MACROD2: variants seen among roughly 807,000 people sequenced by gnomAD.
MACROD2 encodes the protein mono-ADP ribosylhydrolase 2, also known as ADP-ribose glycohydrolase MACROD2.
Under a neutral mutation model 70.4 loss-of-function variants are expected in MACROD2, and 36 were observed. The observed-to-expected ratio is 0.51, with a 90% CI of 0.39 to 0.68. The LOEUF (loss-of-function observed/expected upper bound fraction) is 0.68, where lower values mean the gene tolerates loss of function less well. Ranked by LOEUF, MACROD2 falls within the 30% of genes least tolerant of loss-of-function variation. The pLI, the probability that MACROD2 is intolerant of heterozygous loss-of-function variation, is 0.00. For synonymous variants in MACROD2, 172 were observed against 178.8 expected, an observed-to-expected ratio of 0.96 and a Z score of 0.30; for missense variants, 496 against 538.4, an observed-to-expected ratio of 0.92 and a Z score of 0.78.
chr20:14,414,368 C>A (rs553863390), intron 3 of MACROD2, among the ~76,000 whole-genome samples: 2 of 152,078 alleles, frequency 1.3e-5, no homozygotes, highest in Non-Finnish European at 2.9e-5. Context: ...ATCCAGTCAC[C>A]CTGAAAATCC....
intron 3 of MACROD2, among the ~76,000 whole-genome samples, chr20:14,267,772 T>A (rs1011178729): frequency 6.6e-6 from 1 of 152,106 alleles, no homozygotes; most frequent in Non-Finnish European, 1.5e-5. Flanking sequence ...TCTAATCTGT[T>A]GATTCTAACC....
rs550444794 is a variant in MACROD2 at position 14,792,169 on chromosome 20, C to T, written c.418+107210C>T. 8.6e-5 allele frequency among the ~76,000 whole-genome samples: 13 copies of T among 151,980 alleles called. No homozygotes were observed. The East Asian group carries it at 1.7e-3, about 20-fold the overall frequency. Reference sequence around the variant, plus strand: ...CGAACTGTTTGTTATCATGGAATGGCGGCCACTGTTTCTCTTTTTATGCAA... The same window carrying T: ...CGAACTGTTTGTTATCATGGAATGGTGGCCACTGTTTCTCTTTTTATGCAA... On this transcript the variant is annotated intron_variant, in intron 5 of 17. Coordinates refer to ENST00000684519, the MANE Select transcript of MACROD2 (RefSeq NM_001351661.2).
At chr20:15,776,076 AT>A (rs1283457783) in intron 8 of MACROD2, among the ~76,000 whole-genome samples, 1 of 152,194 alleles carries the variant, frequency 6.6e-6, no homozygotes, top group Non-Finnish European at 1.5e-5. Context: ...AAAAAACAAA[AT>A]GAAGTTTTTG....
intron 7 of MACROD2, among the ~76,000 whole-genome samples, chr20:15,464,537 A>AG (rs1308938975): frequency 6.6e-6 from 1 of 152,208 alleles, no homozygotes; most frequent in Non-Finnish European, 1.5e-5. Context: ...ATATCTTTAG[A>AG]GAAAAAATAT....
chr20:14,476,302 GAGCTACTAATCACTTTGTAGCTT>G (rs1280368453), intron 3 of MACROD2, among the ~76,000 whole-genome samples: 2 of 152,050 alleles, frequency 1.3e-5, no homozygotes, highest in African/African-American at 4.8e-5. Flanking sequence ...CTTGACTACT[GAGCTACTAATCACTTTGTAGCTT>G]AGAAATGAAT....
intron 5 of MACROD2, among the ~76,000 whole-genome samples, chr20:14,754,748 T>A (rs1199194628): frequency 1.3e-5 from 2 of 151,754 alleles, no homozygotes; most frequent in East Asian, 3.9e-4. Flanking sequence ...TATCTGTCAC[T>A]CCAGGATCTA....
chr20:15,516,264 T>G (rs2047566141), intron 8 of MACROD2, among the ~76,000 whole-genome samples: 2 of 152,224 alleles, frequency 1.3e-5, no homozygotes, highest in Non-Finnish European at 1.5e-5. Context: ...TATTTCCATA[T>G]GTAACCTGTT....
chr20:14,226,875 A>G (rs1191474824), intron 3 of MACROD2, among the ~76,000 whole-genome samples: 3 of 152,168 alleles, frequency 2.0e-5, no homozygotes. Context: ...CGACCACCCA[A>G]GGGCTGAGGA....
intron 8 of MACROD2, among the ~76,000 whole-genome samples, chr20:15,858,395 A>G (rs1474684086): frequency 6.6e-6 from 1 of 152,132 alleles, no homozygotes; most frequent in African/African-American, 2.4e-5. Flanking sequence ...TTTCCTTTGT[A>G]CAAGTCAGAT....
chr20:15,666,735 C>T (rs1004005590), intron 8 of MACROD2, among the ~76,000 whole-genome samples: 5 of 152,122 alleles, frequency 3.3e-5, no homozygotes, highest in African/African-American at 1.2e-4. Flanking sequence ...AGTGCTTGCC[C>T]TCAAGAAGAT....
At chr20:15,409,110 G>A (rs190732507) in intron 6 of MACROD2, among the ~76,000 whole-genome samples, 2 of 152,232 alleles carry the variant, frequency 1.3e-5, no homozygotes, top group Admixed American at 6.5e-5. Flanking sequence ...AGTTCTGGTT[G>A]GATATAGGTC....
At chr20:14,243,144 T>C (rs2081942887) in intron 3 of MACROD2, among the ~76,000 whole-genome samples, 1 of 152,214 alleles carries the variant, frequency 6.6e-6, no homozygotes, top group Non-Finnish European at 1.5e-5. Flanking sequence ...GCTTTTCAGT[T>C]CATTGTGTTA....
chr20:14,232,889 A>G (rs560843055), intron 3 of MACROD2, among the ~76,000 whole-genome samples: 2 of 152,330 alleles, frequency 1.3e-5, no homozygotes, highest in South Asian at 4.1e-4. Flanking sequence ...CTCCTCACTA[A>G]GCTTAATCAT....
In MACROD2 at chr20:14,728,304, C is replaced by T. The variant is rs148468348; in HGVS notation, c.418+43345C>T. On this transcript the variant is annotated intron_variant, in intron 5 of 17. Coordinates refer to ENST00000684519, the MANE Select transcript of MACROD2 (RefSeq NM_001351661.2). ...AGGACTGTGAACAAATGAATTAAACCGAAGTCCTTATAATTTAAACATTCC... is the reference window on the plus strand; with the variant it reads ...AGGACTGTGAACAAATGAATTAAACTGAAGTCCTTATAATTTAAACATTCC... 8.3e-3 allele frequency among the ~76,000 whole-genome samples: 1,259 copies of T among 152,098 alleles called. 23 individuals carry two copies. The highest frequency in any genetic ancestry group is 0.028 in the African/African-American group (1,164 of 41,514).
chr20:15,477,220 C>A (rs1159529825), intron 7 of MACROD2, among the ~76,000 whole-genome samples: 2 of 151,182 alleles, frequency 1.3e-5, no homozygotes, highest in Non-Finnish European at 2.9e-5. Flanking sequence ...CCTGCCTCAG[C>A]CTCCCAAGTA....
chr20:15,745,377 C>T (rs141757845), intron 8 of MACROD2, among the ~76,000 whole-genome samples: 19 of 152,230 alleles, frequency 1.2e-4, no homozygotes, highest in Admixed American at 3.3e-4. Context: ...AAGCATTTTT[C>T]TGGATGACTT....
At chr20:15,765,798 GC>G (rs1393421747) in intron 8 of MACROD2, among the ~76,000 whole-genome samples, 4 of 152,160 alleles carry the variant, frequency 2.6e-5, no homozygotes, top group Non-Finnish European at 4.4e-5. Flanking sequence ...AGATAATAGA[GC>G]TTGTACTTGG....
At chr20:14,528,828 T>C (rs1469072194) in intron 4 of MACROD2, among the ~76,000 whole-genome samples, 1 of 152,152 alleles carries the variant, frequency 6.6e-6, no homozygotes, top group Non-Finnish European at 1.5e-5. Flanking sequence ...TGTGAGAGGC[T>C]CTTGGTACAT....
chr20:14,685,897 T>C (rs1355567626), intron 5 of MACROD2, among the ~76,000 whole-genome samples: 4 of 152,212 alleles, frequency 2.6e-5, no homozygotes, highest in Non-Finnish European at 4.4e-5. Context: ...ATGGGTTATA[T>C]ATAGACAGGT....
Sources: gnomAD v4.1 joint callset for allele counts (sites outside exome capture counted in the v4.1 genomes callset) on GRCh38, gnomAD v4.1.1 for gene constraint, MANE v1.5 for transcripts, NCBI Gene and HGNC (gene_info 2026-07-23, HGNC 2026-07-21) for gene names.